Variants in FOXP1 observed in about 807,000 individuals in gnomAD.
FOXP1 encodes forkhead box P1.
A neutral mutation model predicts 98.2 loss-of-function variants in FOXP1; 15 were observed. The ratio of observed to expected loss-of-function variants is 0.15; its 90% CI spans 0.10 to 0.24. The LOEUF (loss-of-function observed/expected upper bound fraction) is 0.24, where lower values mean the gene tolerates loss of function less well. Ranked by LOEUF, FOXP1 falls within the 10% of genes least tolerant of loss-of-function variation. FOXP1 has a pLI of 1.00. For synonymous variants in FOXP1, 371 were observed against 314.5 expected (o/e 1.18, Z -1.90); for missense variants, 633 against 848.5 (o/e 0.75, Z 3.15).
At chr3:71,419,549 TG>T (rs1408552935) in intron 3 of FOXP1, among the ~76,000 whole-genome samples, 3 of 152,020 alleles carry the variant, frequency 2.0e-5, no homozygotes, top group African/African-American at 7.3e-5. Flanking sequence ...AGAAAGAAAC[TG>T]GATCTCCATG....
intron 3 of FOXP1, among the ~76,000 whole-genome samples, chr3:71,471,337 T>A (rs2089326285): frequency 6.6e-6 from 1 of 151,882 alleles, no homozygotes; most frequent in African/African-American, 2.4e-5. Context: ...TATATGTATA[T>A]AATTATAAAC....
At chr3:71,170,487 A>G (rs1266995373) in intron 6 of FOXP1, among the ~76,000 whole-genome samples, 4 of 152,224 alleles carry the variant, frequency 2.6e-5, no homozygotes, top group Admixed American at 2.6e-4. Flanking sequence ...AAATTTGCCA[A>G]CATGGCTTAT....
At chr3:71,029,413 CAG>C (rs758333657) in intron 11 of FOXP1, among the ~76,000 whole-genome samples, 2 of 151,818 alleles carry the variant, frequency 1.3e-5, no homozygotes, top group African/African-American at 2.4e-5. Flanking sequence ...TTTTTTGAGA[CAG>C]AGTCTTGCTC....
intron 3 of FOXP1, among the ~76,000 whole-genome samples, chr3:71,375,085 T>C (rs2079618649): frequency 6.6e-6 from 1 of 152,098 alleles, no homozygotes; most frequent in Non-Finnish European, 1.5e-5. Context: ...AATGCCCAAA[T>C]AAATTAAACC....
intron 5 of FOXP1, among the ~76,000 whole-genome samples, chr3:71,291,161 G>A (rs1025902656): frequency 1.3e-5 from 2 of 152,164 alleles, no homozygotes; most frequent in African/African-American, 4.8e-5. Context: ...CTAAACCAAT[G>A]AGCAGAGGGC....
intron 2 of FOXP1, among the ~76,000 whole-genome samples, chr3:71,557,480 C>T (rs756559523): frequency 1.3e-5 from 2 of 152,070 alleles, no homozygotes; most frequent in Non-Finnish European, 2.9e-5. Flanking sequence ...ACTCCTTCAC[C>T]TCATGGTGGT....
At chr3:71,041,704 C>T (rs886438274) in intron 10 of FOXP1, among the ~76,000 whole-genome samples, 172 bp from the exon 11 acceptor site, 1 of 151,952 alleles carries the variant, frequency 6.6e-6, no homozygotes, top group Non-Finnish European at 1.5e-5. Flanking sequence ...AAAAGTGTGT[C>T]CTCTTACCGA....
intron 6 of FOXP1, among the ~76,000 whole-genome samples, chr3:71,154,735 T>C (rs1414779692): frequency 1.3e-5 from 2 of 152,164 alleles, no homozygotes; most frequent in Non-Finnish European, 2.9e-5. Flanking sequence ...TTTTTCCTTT[T>C]GGGATTGTTG....
intron 2 of FOXP1, among the ~76,000 whole-genome samples, chr3:71,515,570 T>C (rs993917254): frequency 5.9e-5 from 9 of 151,698 alleles, no homozygotes; most frequent in Non-Finnish European, 1.2e-4. Context: ...GTCATCAAAA[T>C]GCCTTTGCCA....
At chr3:71,065,578 GAAA>G (rs1192682639) in intron 7 of FOXP1, 1 of 152,212 alleles carries the variant, frequency 6.6e-6, no homozygotes, top group Non-Finnish European at 1.5e-5. Flanking sequence ...GCGCACCGAG[GAAA>G]ACTAAGCCGA....
At chr3:71,135,512 C>T (rs1488205773) in intron 6 of FOXP1, among the ~76,000 whole-genome samples, 1 of 152,080 alleles carries the variant, frequency 6.6e-6, no homozygotes, top group Non-Finnish European at 1.5e-5. Flanking sequence ...TGCCCTGTTC[C>T]TTGGAGGGGT....
rs2060496825 is a variant in FOXP1, at chr3:71,150,120, C to CTA, written c.181-37485_181-37484dup. Among the ~76,000 whole-genome samples, 3 of 152,226 alleles carry CTA rather than the reference C, an allele frequency of 2.0e-5. No homozygotes were observed. In the South Asian group the frequency reaches 6.2e-4, roughly 32 times the overall value. On this transcript the variant is annotated intron_variant, in intron 6 of 20. Coordinates refer to ENST00000649528, the MANE Select transcript of FOXP1 (RefSeq NM_001349338.3). ...CTTGACGCAGATTCTGATGCTCAGA[C>CTA]TATTCTTCCTTCTTTTCCTCTCTCC...
intron 2 of FOXP1, among the ~76,000 whole-genome samples, chr3:71,512,643 T>A (rs2042282287): frequency 1.3e-5 from 2 of 152,162 alleles, no homozygotes; most frequent in African/African-American, 4.8e-5. Flanking sequence ...GAAGCAAAGG[T>A]GTTGGATTAT....
intron 13 of FOXP1, among the ~76,000 whole-genome samples, chr3:70,999,215 G>T (rs1418367618): frequency 6.6e-6 from 1 of 151,974 alleles, no homozygotes; most frequent in African/African-American, 2.4e-5. Flanking sequence ...TCAGCCTCCC[G>T]AGGAGCTGGG....
At chr3:71,009,851 T>C (rs1476711963) in intron 12 of FOXP1, among the ~76,000 whole-genome samples, 2 of 151,820 alleles carry the variant, frequency 1.3e-5, no homozygotes, top group Non-Finnish European at 2.9e-5. Context: ...TGGGCTCAAG[T>C]GAGCCTCCCA....
At chr3:70,967,759 G>T in intron 19 of FOXP1, among the ~76,000 whole-genome samples, 1 of 92,700 alleles carries the variant, frequency 1.1e-5, no homozygotes, top group South Asian at 3.6e-4. Flanking sequence ...CATCTTAACT[G>T]CTTTTATCTG....
intron 3 of FOXP1, among the ~76,000 whole-genome samples, chr3:71,390,322 C>T (rs527785482): frequency 6.6e-6 from 1 of 152,252 alleles, no homozygotes; most frequent in East Asian, 1.9e-4. Flanking sequence ...CATACTTCAG[C>T]AGTGGGATTC....
intron 20 of FOXP1, 69 bp downstream of exon 20, chr3:70,965,821 T>C (rs1381700488): frequency 1.4e-6 from 2 of 1,447,106 alleles, no homozygotes; most frequent in African/African-American, 2.8e-5. Context: ...GAGAAAGGGC[T>C]GTCTCCCTGC....
At chr3:71,239,302 G>C (rs2067053959) in intron 5 of FOXP1, among the ~76,000 whole-genome samples, 1 of 152,142 alleles carries the variant, frequency 6.6e-6, no homozygotes, top group Non-Finnish European at 1.5e-5. Flanking sequence ...CCAGCACTTT[G>C]GGAGGCCGAG....
Sources: gnomAD v4.1 joint callset for allele counts (sites outside exome capture counted in the v4.1 genomes callset) on GRCh38, gnomAD v4.1.1 for gene constraint, MANE v1.5 for transcripts, NCBI Gene and HGNC (gene_info 2026-07-23, HGNC 2026-07-21) for gene names.